ARMC3: variants seen among roughly 807,000 people sequenced by gnomAD.
The protein encoded by ARMC3 is armadillo repeat-containing protein 3.
Under a neutral mutation model 90.3 loss-of-function variants are expected in ARMC3, and 74 were observed. The ratio of observed to expected loss-of-function variants is 0.82; its 90% CI spans 0.68 to 0.99. ARMC3 has a LOEUF of 0.99. Ranked by LOEUF, ARMC3 falls within the 50% of genes least tolerant of loss-of-function variation. The probability of loss-of-function intolerance (pLI) is 0.00; values close to 1 mark genes in which losing one functional copy is unlikely to be tolerated. For missense variants in ARMC3, 958 were observed against 1,042.8 expected (o/e 0.92, Z 1.12); for synonymous variants, 334 against 361.8 (o/e 0.92, Z 0.87).
chr10:22,973,334 A>G (rs1034176647), intron 8 of ARMC3, among the ~76,000 whole-genome samples: 2 of 145,524 alleles, frequency 1.4e-5, no homozygotes, highest in African/African-American at 5.1e-5. Flanking sequence ...TAATAATAAT[A>G]AATCCTAACA....
At chr10:22,988,335 T>C (rs1365585555) in intron 10 of ARMC3, among the ~76,000 whole-genome samples, 1 of 152,198 alleles carries the variant, frequency 6.6e-6, no homozygotes, top group Non-Finnish European at 1.5e-5. Flanking sequence ...AAATCAGTGC[T>C]GCATTTACTC....
At chr10:23,031,190 T>A (rs568390664) in intron 17 of ARMC3, 1 of 177,516 alleles carries the variant, frequency 5.6e-6, no homozygotes, top group Non-Finnish European at 1.2e-5. Flanking sequence ...AATTTTCTAA[T>A]ACAAATGTCC....
chr10:22,958,875 C>T (rs1275646238), intron 4 of ARMC3, among the ~76,000 whole-genome samples, 195 bp from the exon 5 acceptor site: 1 of 152,104 alleles, frequency 6.6e-6, no homozygotes, highest in Admixed American at 6.5e-5. Context: ...ATACAAGCCA[C>T]CATACCTGGC....
At chr10:22,972,875 A>C (rs1288885490) in intron 8 of ARMC3, among the ~76,000 whole-genome samples, 3 of 152,176 alleles carry the variant, frequency 2.0e-5, no homozygotes, top group African/African-American at 7.2e-5. Flanking sequence ...CTTATGCAGC[A>C]AGTATTTTAG....
At position 22,998,415 on chromosome 10, in the gene ARMC3, A is replaced by C; in HGVS notation, c.1425+18A>C. The C allele has an allele frequency of 6.2e-7, 1 of 1,604,274 alleles. No individual in the cohort carries two copies. The highest frequency in any genetic ancestry group is 1.1e-5 in the South Asian group (1 of 90,934). On this transcript the variant is annotated intron_variant, in intron 11 of 18. Transcript: ENST00000298032. Reference sequence around the variant, plus strand: ...GGACTGAGGTGAGAATTTTAATAACATGTGTTCTCTCATTTTTCTGGTTAG... The same window carrying C: ...GGACTGAGGTGAGAATTTTAATAACCTGTGTTCTCTCATTTTTCTGGTTAG...
At chr10:22,944,745 T>G (rs1834460368) in intron 2 of ARMC3, among the ~76,000 whole-genome samples, 1 of 152,160 alleles carries the variant, frequency 6.6e-6, no homozygotes, top group African/African-American at 2.4e-5. Flanking sequence ...CATTCAGAAG[T>G]CCTCCCTTAA....
intron 10 of ARMC3, among the ~76,000 whole-genome samples, chr10:22,983,999 G>C (rs1379272842): frequency 1.3e-5 from 2 of 152,266 alleles, no homozygotes; most frequent in South Asian, 2.1e-4. Context: ...TTTGCTGCTG[G>C]GGTGGTTGGA....
intron 10 of ARMC3, among the ~76,000 whole-genome samples, chr10:22,997,053 A>G (rs1837002296): frequency 6.6e-6 from 1 of 152,120 alleles, no homozygotes; most frequent in Non-Finnish European, 1.5e-5. Context: ...TGATGATTTA[A>G]ATGGATTTTG....
chr10:22,959,602 G>A (rs1835106384), intron 6 of ARMC3, 28 bp downstream of exon 6: 1 of 1,551,844 alleles, frequency 6.4e-7, no homozygotes. Flanking sequence ...AAAGCGTTCT[G>A]ATGAAAGCTC....
chr10:22,997,354 A>G (rs1253944040), intron 10 of ARMC3: 2 of 152,212 alleles, frequency 1.3e-5, no homozygotes, highest in Non-Finnish European at 2.9e-5. Flanking sequence ...CGGGTGCTCA[A>G]AAACAAGGAC....
At chr10:22,996,362 A>G (rs1490912898) in intron 10 of ARMC3, among the ~76,000 whole-genome samples, 2 of 152,206 alleles carry the variant, frequency 1.3e-5, no homozygotes, top group African/African-American at 4.8e-5. Flanking sequence ...AGGAAATTAA[A>G]TGCTGACCCT....
intron 1 of ARMC3, among the ~76,000 whole-genome samples, chr10:22,931,556 C>G (rs533770251): frequency 1.2e-4 from 19 of 152,146 alleles, no homozygotes; most frequent in African/African-American, 4.3e-4. Flanking sequence ...CAATTATGTA[C>G]CAGACACTGT....
intron 7 of ARMC3, among the ~76,000 whole-genome samples, chr10:22,966,870 A>G (rs112899914): frequency 3.3e-5 from 5 of 152,152 alleles, no homozygotes; most frequent in Middle Eastern, 3.4e-3. Context: ...CCATGATCCA[A>G]TCACCTCCCA....
chr10:23,028,432 G>C (rs1164518293), intron 16 of ARMC3, among the ~76,000 whole-genome samples: 3 of 152,052 alleles, frequency 2.0e-5, no homozygotes, highest in Non-Finnish European at 4.4e-5. Context: ...ATCAACATCT[G>C]GGTCATCTAG....
chr10:23,007,698 CAA>C (rs1188080079), intron 14 of ARMC3, among the ~76,000 whole-genome samples: 2,315 of 33,580 alleles, frequency 0.069, 53 homozygotes, highest in African/African-American at 0.16. Flanking sequence ...GACTCCGTCT[CAA>C]AAAAAAAAAA....
At chr10:22,998,862 T>C (rs1426445405) in intron 11 of ARMC3, among the ~76,000 whole-genome samples, 1 of 152,230 alleles carries the variant, frequency 6.6e-6, no homozygotes, top group Non-Finnish European at 1.5e-5. Context: ...TACTTATGAT[T>C]CCATTTATGT....
intron 1 of ARMC3, among the ~76,000 whole-genome samples, chr10:22,929,300 GAAAGAA>G (rs1317071768): frequency 3.5e-5 from 5 of 140,992 alleles, no homozygotes; most frequent in South Asian, 4.5e-4. Context: ...GAGAGAAAGA[GAAAGAA>G]AAAGAAAAAG....
At chr10:23,010,265 T>TTCCCTTCCCTTCCCTCTCTTTCCCC (rs1166914725) in intron 16 of ARMC3, among the ~76,000 whole-genome samples, 3 of 140,570 alleles carry the variant, frequency 2.1e-5, no homozygotes, top group African/African-American at 8.1e-5. Context: ...CTTCTCTTCC[T>TTCCCTTCCCTTCCCTCTCTTTCCCC]TTCCCTTCCC....
intron 10 of ARMC3, among the ~76,000 whole-genome samples, chr10:22,985,388 T>A (rs1429720612): frequency 6.6e-6 from 1 of 152,180 alleles, no homozygotes; most frequent in African/African-American, 2.4e-5. Context: ...ATGCATTTTG[T>A]TGATTCCTTA....
Sources: gnomAD v4.1 joint callset for allele counts (sites outside exome capture counted in the v4.1 genomes callset) on GRCh38, gnomAD v4.1.1 for gene constraint, MANE v1.5 for transcripts, NCBI Gene and HGNC (gene_info 2026-07-23, HGNC 2026-07-21) for gene names.